The following CACHD1 variants were observed in gnomAD, a reference collection of about 807,000 sequenced individuals.
CACHD1 encodes VWFA and cache domain-containing protein 1.
CACHD1 carries 71 observed loss-of-function variants against 138.7 expected under a neutral mutation model. The observed-to-expected ratio is 0.51, with a 90% CI of 0.42 to 0.62. The LOEUF is 0.62. CACHD1 is among the 20% of genes least tolerant of loss of function. The pLI, the probability that CACHD1 is intolerant of heterozygous loss-of-function variation, is 0.00. For missense variants in CACHD1, 1,389 were observed against 1,625.3 expected, an observed-to-expected ratio of 0.85 and a Z score of 2.50; for synonymous variants, 578 against 591.5, an observed-to-expected ratio of 0.98 and a Z score of 0.33.
intron 8 of CACHD1, among the ~76,000 whole-genome samples, chr1:64,643,536 T>C (rs1648797019): frequency 6.6e-6 from 1 of 152,194 alleles, no homozygotes; most frequent in South Asian, 2.1e-4. Flanking sequence ...TAGTACCTGG[T>C]AAAGAAAGTG....
At chr1:64,601,213 C>T (rs1647210281) in intron 3 of CACHD1, among the ~76,000 whole-genome samples, 1 of 152,160 alleles carries the variant, frequency 6.6e-6, no homozygotes, top group Admixed American at 6.5e-5. Context: ...CTTTATGGCC[C>T]ACAAAGCCTA....
rs114993552 is a variant in CACHD1 at position 64,478,886 on chromosome 1, A to G, written c.198+7944A>G. 4.7e-3 allele frequency among the ~76,000 whole-genome samples: 719 copies of G among 152,064 alleles called. 5 individuals are homozygous for G. Among genetic ancestry groups the G allele is most frequent in the African/African-American group, 0.017 (691 of 41,458 alleles). On this transcript the variant is annotated intron_variant, in intron 1 of 26. Transcript: ENST00000651257. ...GTTGCCCAGTAGCCATGTGGGTCCA[A>G]TGTTGTCACATGACTTTGTTTTTTA...
In CACHD1 at chr1:64,675,305, T is replaced by C. The variant is rs933661123; in HGVS notation, c.2728-96T>C. ...TAATCAGAAACATTTTATTTTAAGC[T>C]ATTTTTCGTAGGTAGTTGAAGAGTT... On this transcript the variant is annotated intron_variant, in intron 19 of 26. Transcript: ENST00000651257. The C allele has an allele frequency of 1.3e-5, 12 of 895,912 alleles. 1 individual carries two copies. The highest frequency in any genetic ancestry group is 9.8e-5 in the Admixed American group (4 of 40,612). The allele number at this position is 895,912 out of a possible 1,614,324, so 55.5% of individuals were successfully genotyped here.
chr1:64,608,409 T>C (rs1647406812), intron 4 of CACHD1, among the ~76,000 whole-genome samples: 1 of 152,224 alleles, frequency 6.6e-6, no homozygotes, highest in Admixed American at 6.5e-5. Context: ...TATTTACATC[T>C]GCAAGATGTC....
intron 26 of CACHD1, among the ~76,000 whole-genome samples, chr1:64,684,459 G>A (rs1006930502): frequency 7.1e-6 from 1 of 140,980 alleles, no homozygotes; most frequent in African/African-American, 2.7e-5. Flanking sequence ...CTAGAAAAAA[G>A]CTTATAGAAT....
intron 1 of CACHD1, among the ~76,000 whole-genome samples, chr1:64,522,215 C>T (rs938815338): frequency 6.6e-6 from 1 of 152,188 alleles, no homozygotes; most frequent in African/African-American, 2.4e-5. Flanking sequence ...ACTCTTCTTT[C>T]CCCACTGAAT....
chr1:64,558,287 C>A (rs1364354547), intron 2 of CACHD1, among the ~76,000 whole-genome samples: 1 of 152,246 alleles, frequency 6.6e-6, no homozygotes, highest in Non-Finnish European at 1.5e-5. Context: ...ACGCTTGCCT[C>A]CTTGCCTTTC....
At chr1:64,595,749 T>G (rs1352978820) in intron 3 of CACHD1, among the ~76,000 whole-genome samples, 1 of 152,218 alleles carries the variant, frequency 6.6e-6, no homozygotes, top group Non-Finnish European at 1.5e-5. Context: ...AATATAGAAG[T>G]GAGACACAAG....
At chr1:64,543,404 T>TAC (rs1327126335) in intron 1 of CACHD1, among the ~76,000 whole-genome samples, 173 of 139,868 alleles carry the variant, frequency 1.2e-3, no homozygotes, top group Middle Eastern at 7.2e-3. Context: ...AAAAAATACA[T>TAC]ATATATATAT....
At chr1:64,492,018 T>G (rs538439076) in intron 1 of CACHD1, among the ~76,000 whole-genome samples, 7 of 151,962 alleles carry the variant, frequency 4.6e-5, no homozygotes, top group African/African-American at 1.7e-4. Context: ...CTGTACTTGA[T>G]TTCCTGAAAG....
chr1:64,533,611 C>T (rs927962378), intron 1 of CACHD1, among the ~76,000 whole-genome samples: 1 of 152,142 alleles, frequency 6.6e-6, no homozygotes, highest in East Asian at 1.9e-4. Flanking sequence ...TGTAAACATG[C>T]AGTACAATTG....
intron 1 of CACHD1, among the ~76,000 whole-genome samples, chr1:64,531,447 T>C (rs596504): frequency 0.2 from 30,980 of 152,054 alleles, 6,954 homozygotes; most frequent in African/African-American, 0.56. Flanking sequence ...ATAACTCTGC[T>C]TTCTGTACCT....
At chr1:64,525,519 A>G (rs191374928) in intron 1 of CACHD1, among the ~76,000 whole-genome samples, 1 of 152,218 alleles carries the variant, frequency 6.6e-6, no homozygotes, top group Non-Finnish European at 1.5e-5. Context: ...TTCCTCCCAC[A>G]CTGTATTACT....
intron 26 of CACHD1, 70 bp downstream of exon 26, chr1:64,682,176 C>G: frequency 7.4e-7 from 1 of 1,345,590 alleles, no homozygotes; most frequent in Non-Finnish European, 1.1e-6. Context: ...ATGCTCACAC[C>G]CTATTTTGAC....
chr1:64,525,204 G>A (rs1407381319), intron 1 of CACHD1, among the ~76,000 whole-genome samples: 3 of 152,072 alleles, frequency 2.0e-5, no homozygotes, highest in African/African-American at 7.2e-5. Flanking sequence ...ATCTGGACAA[G>A]AAAAGTTTGG....
At chr1:64,512,393 C>CAAAAAAAAA (rs551616431) in intron 1 of CACHD1, among the ~76,000 whole-genome samples, 18 of 78,596 alleles carry the variant, frequency 2.3e-4, no homozygotes, top group South Asian at 8.5e-4. Context: ...GACTGTGTCT[C>CAAAAAAAAA]AAAAAAAAAA....
chr1:64,566,492 CAA>C (rs1646883604), intron 2 of CACHD1, among the ~76,000 whole-genome samples: 3 of 143,944 alleles, frequency 2.1e-5, no homozygotes, highest in Non-Finnish European at 4.7e-5. Context: ...CCCCCCCCCA[CAA>C]GGTATGGGGG....
At chr1:64,621,066 C>A (rs151272216) in intron 4 of CACHD1, among the ~76,000 whole-genome samples, 2 of 152,072 alleles carry the variant, frequency 1.3e-5, no homozygotes, top group African/African-American at 4.8e-5. Context: ...CTTGTAAGGG[C>A]TTTAGAGTAA....
chr1:64,511,509 T>C (rs1377469335), intron 1 of CACHD1, among the ~76,000 whole-genome samples: 3 of 152,098 alleles, frequency 2.0e-5, no homozygotes, highest in African/African-American at 7.2e-5. Context: ...AGACAAAGAA[T>C]CATAAAATTG....
Sources: allele counts gnomAD v4.1 joint callset (sites outside exome capture counted in the v4.1 genomes callset), GRCh38; gene constraint gnomAD v4.1.1; transcripts MANE v1.5; gene names NCBI Gene and HGNC (gene_info 2026-07-23, HGNC 2026-07-21).